VPS37A: variants seen among roughly 807,000 people sequenced by gnomAD.
The protein encoded by VPS37A is vacuolar protein sorting-associated protein 37A.
VPS37A carries 30 observed loss-of-function variants against 49.8 expected under a neutral mutation model. The observed-to-expected ratio is 0.60, with a 90% confidence interval of 0.45 to 0.82. The LOEUF (loss-of-function observed/expected upper bound fraction) is 0.82, where lower values mean the gene tolerates loss of function less well. Among genes scored for constraint, VPS37A ranks in the 40% least tolerant of loss-of-function variants. The probability of loss-of-function intolerance (pLI) is 0.00; values close to 1 mark genes in which losing one functional copy is unlikely to be tolerated. For synonymous variants in VPS37A, 195 were observed against 160.6 expected (o/e 1.21, Z -1.62); for missense variants, 593 against 464.4 (o/e 1.28, Z -2.55).
chr8:17,265,020 T>G (rs939347780), intron 1 of VPS37A, among the ~76,000 whole-genome samples: 10 of 152,192 alleles, frequency 6.6e-5, no homozygotes, highest in Non-Finnish European at 1.3e-4. Context: ...GAATGGTGGC[T>G]AAAACAAGAT....
At chr8:17,317,833 C>T in the VPS37A span, among the ~76,000 whole-genome samples, 1 of 152,158 alleles carries the variant, frequency 6.6e-6, no homozygotes, top group Non-Finnish European at 1.5e-5. Flanking sequence ...ACTTATCACT[C>T]ATCCATTTAT....
the VPS37A span, among the ~76,000 whole-genome samples, chr8:17,315,522 C>T: frequency 1.3e-5 from 2 of 152,188 alleles, no homozygotes; most frequent in East Asian, 1.9e-4. Flanking sequence ...TGTACCACTC[C>T]GTCGGGGATG....
chr8:17,273,869 G>A (rs1232692360), intron 4 of VPS37A, among the ~76,000 whole-genome samples: 1 of 152,048 alleles, frequency 6.6e-6, no homozygotes, highest in Admixed American at 6.5e-5. Context: ...AATACATTTT[G>A]AAACATTTTT....
At chr8:17,251,166 G>A (rs182857821) in intron 1 of VPS37A, among the ~76,000 whole-genome samples, 2 of 152,208 alleles carry the variant, frequency 1.3e-5, no homozygotes, top group East Asian at 3.9e-4. Context: ...CAGTGATGAT[G>A]GTCTCATCAC....
the VPS37A span, among the ~76,000 whole-genome samples, chr8:17,308,891 T>C: frequency 6.6e-6 from 1 of 152,216 alleles, no homozygotes; most frequent in African/African-American, 2.4e-5. Context: ...CTTAGGACTA[T>C]AGAAGATCAA....
chr8:17,305,211 T>C (rs530703220), downstream of VPS37A, among the ~76,000 whole-genome samples: 1 of 152,330 alleles, frequency 6.6e-6, no homozygotes, highest in African/African-American at 2.4e-5. Flanking sequence ...GTATACACCA[T>C]AGTTAAAACC....
the VPS37A span, among the ~76,000 whole-genome samples, chr8:17,310,940 G>T: frequency 6.4e-4 from 98 of 152,200 alleles, no homozygotes; most frequent in East Asian, 0.018. Context: ...TGAAAGCAAC[G>T]TTACATTTGA....
At position 17,280,550 on chromosome 8, in the gene VPS37A, C is replaced by G. The variant is rs144099578; in HGVS notation, c.969+107C>G. ...TCATCAGAAACCATTTATGAGGTAT[C>G]TGACCTTATAAGACATGATACCTTT... is the stretch of plus-strand genomic sequence containing the variant. On this transcript the variant is annotated intron_variant, in intron 9 of 11. Transcript: ENST00000324849. The G allele has an allele frequency of 9.5e-5, 98 of 1,029,640 alleles. No homozygotes were observed. In the East Asian group the frequency reaches 2.4e-3, roughly 25 times the overall value. 63.8% of individuals were successfully genotyped at this position (1,029,640 alleles called of 1,614,324 possible). A position where few individuals can be genotyped will look rare whatever the true frequency, so the allele number is the denominator to read the frequency against.
At chr8:17,268,693 C>T (rs988709315) in intron 3 of VPS37A, among the ~76,000 whole-genome samples, 163 bp from the exon 4 acceptor site, 4 of 152,066 alleles carry the variant, frequency 2.6e-5, no homozygotes, top group Admixed American at 6.5e-5. Context: ...TTTATGGTAT[C>T]GATTCTATAA....
chr8:17,268,814 T>C, intron 3 of VPS37A, 42 bp from the exon 4 acceptor site: 1 of 1,320,602 alleles, frequency 7.6e-7, no homozygotes. Context: ...TTATAATCTT[T>C]TTCTGGAAGT....
intron 11 of VPS37A, among the ~76,000 whole-genome samples, chr8:17,287,433 G>C (rs1243775691): frequency 6.6e-6 from 1 of 152,028 alleles, no homozygotes; most frequent in Non-Finnish European, 1.5e-5. Flanking sequence ...CCAGCACTTT[G>C]GGAGGCCGAG....
chr8:17,274,546 G>A (rs1290042280), intron 4 of VPS37A, among the ~76,000 whole-genome samples, 187 bp from the exon 5 acceptor site: 2 of 149,188 alleles, frequency 1.3e-5, no homozygotes, highest in African/African-American at 2.5e-5. Context: ...TTTTTCGGGG[G>A]GGTGGGGTCA....
intron 9 of VPS37A, among the ~76,000 whole-genome samples, chr8:17,280,723 G>A (rs954144778): frequency 2.0e-5 from 3 of 151,918 alleles, no homozygotes; most frequent in Non-Finnish European, 4.4e-5. Context: ...AACACTTGTA[G>A]TGAAACCTAG....
downstream of VPS37A, chr8:17,299,828 T>C: frequency 6.2e-7 from 1 of 1,608,152 alleles, no homozygotes; most frequent in Non-Finnish European, 8.5e-7. Flanking sequence ...GTGTTGCTTA[T>C]GTGTCCTTTA....
intron 10 of VPS37A, among the ~76,000 whole-genome samples, chr8:17,285,372 G>T (rs1001367622): frequency 1.3e-5 from 2 of 152,122 alleles, no homozygotes; most frequent in African/African-American, 4.8e-5. Flanking sequence ...AACGTACAGG[G>T]ATTATAGAAT....
At position 17,247,111 on chromosome 8, in the gene VPS37A, G is replaced by A; in HGVS notation, c.-134G>A. ...GGAGCGCAGGCAGGACAGGCTTAGA[G>A]AAGACGCGGTCCCCAGCGCTTGGGC... On this transcript the variant is annotated 5_prime_UTR_variant, in exon 1 of 12. Coordinates refer to ENST00000324849, the MANE Select transcript of VPS37A (RefSeq NM_152415.3). The A allele has an allele frequency of 8.3e-7, 1 of 1,202,844 alleles. No individual in the cohort carries two copies. Among genetic ancestry groups the A allele is most frequent in the Non-Finnish European group, 1.2e-6 (1 of 857,630 alleles). The allele number at this position is 1,202,844 out of a possible 1,614,324, so 74.5% of individuals were successfully genotyped here.
rs1297481059 is a variant in VPS37A, at chr8:17,296,788, CAT to C, written c.*1803_*1804del. The C allele has an allele frequency of 5.3e-5, 8 of 152,284 alleles. No individual in the cohort carries two copies. Among genetic ancestry groups the C allele is most frequent in the East Asian group, 1.9e-4 (1 of 5,182 alleles). 9.4% of individuals were successfully genotyped at this position (152,284 alleles called of 1,614,324 possible). A position where few individuals can be genotyped will look rare whatever the true frequency, so the allele number is the denominator to read the frequency against. ...AGAGTAAAAATGTTCTACATAATCA[CAT>C]GAGTAGTTCATCTCAGTGTTTTTTA... On this transcript the variant is annotated 3_prime_UTR_variant, in exon 12 of 12. Coordinates refer to ENST00000324849, the MANE Select transcript of VPS37A (RefSeq NM_152415.3).
the VPS37A span, among the ~76,000 whole-genome samples, chr8:17,328,128 T>G: frequency 6.6e-6 from 1 of 152,172 alleles, no homozygotes; most frequent in Admixed American, 6.5e-5. Context: ...AAGTGAAATT[T>G]TCTAGGTGAC....
chr8:17,298,061 T>G (rs1463685913), downstream of VPS37A: 2 of 152,072 alleles, frequency 1.3e-5, no homozygotes, highest in African/African-American at 4.8e-5. Context: ...TTTATTGTTT[T>G]TATAGACATA....
Sources: gnomAD v4.1 joint callset for allele counts (sites outside exome capture counted in the v4.1 genomes callset) on GRCh38, gnomAD v4.1.1 for gene constraint, MANE v1.5 for transcripts, NCBI Gene and HGNC (gene_info 2026-07-23, HGNC 2026-07-21) for gene names.